COL4A5: variants seen among roughly 807,000 people sequenced by gnomAD.
COL4A5 encodes collagen alpha-5(IV) chain.
COL4A5 carries 26 observed loss-of-function variants against 130.2 expected under a neutral mutation model. That is an observed-to-expected ratio of 0.20 (90% CI 0.15 to 0.28). The LOEUF (loss-of-function observed/expected upper bound fraction) is 0.28. Among genes scored for constraint, COL4A5 ranks in the 10% least tolerant of loss-of-function variants. The probability of loss-of-function intolerance (pLI) is 1.00; values close to 1 mark genes in which losing one functional copy is unlikely to be tolerated. For missense variants in COL4A5, 1,131 were observed against 1,344.3 expected (o/e 0.84, Z 2.48); for synonymous variants, 496 against 439.6 (o/e 1.13, Z -1.60).
At chrX:108,537,424 A>T (rs1451041505) in intron 1 of COL4A5, among the ~76,000 whole-genome samples, 2 of 112,200 alleles carry the variant, frequency 1.8e-5, no homozygotes, top group African/African-American at 3.2e-5. Flanking sequence ...ATTGCAAAAA[A>T]TTATACAAAA....
At chrX:108,447,504 T>C (rs2064465884) in intron 1 of COL4A5, among the ~76,000 whole-genome samples, 1 of 112,060 alleles carries the variant, frequency 8.9e-6, no homozygotes, top group Non-Finnish European at 1.9e-5. Context: ...AGTCACAAAC[T>C]GTTATGCATT....
chrX:108,648,904 G>A (rs981675137), intron 36 of COL4A5, among the ~76,000 whole-genome samples: 8 of 110,907 alleles, frequency 7.2e-5, no homozygotes, highest in Non-Finnish European at 1.3e-4. Flanking sequence ...AATCAGACAA[G>A]AGAAAGAAAA....
intron 1 of COL4A5, among the ~76,000 whole-genome samples, chrX:108,487,390 C>CAA (rs139062835): frequency 7.5e-5 from 4 of 53,433 alleles, no homozygotes; most frequent in East Asian, 6.1e-4. Context: ...AACTCTGTCT[C>CAA]AAAAAAAAAA....
At chrX:108,645,942 G>T (rs1426921430) in intron 36 of COL4A5, among the ~76,000 whole-genome samples, 1 of 110,828 alleles carries the variant, frequency 9.0e-6, no homozygotes, top group Non-Finnish European at 1.9e-5. Context: ...AGTATTCCAT[G>T]GTGTATATGT....
intron 21 of COL4A5, 88 bp downstream of exon 21, chrX:108,591,732 G>A (rs1249387000): frequency 4.5e-5 from 32 of 713,222 alleles, no homozygotes; most frequent in Non-Finnish European, 6.0e-5. Flanking sequence ...TCACACCTTA[G>A]CCACTGACTC....
intron 2 of COL4A5, among the ~76,000 whole-genome samples, chrX:108,546,666 G>A (rs368752605): frequency 2.7e-5 from 3 of 110,041 alleles, no homozygotes; most frequent in African/African-American, 6.6e-5. Flanking sequence ...GCCTTGCTAG[G>A]TTGGGGAAGT....
At position 108,440,105 on chromosome X, in the gene COL4A5, A is replaced by T. The variant is rs771318984; in HGVS notation, c.-21A>T. 2.2e-5 allele frequency: 26 copies of T among 1,183,521 alleles called. No individual in the cohort carries two copies. In the East Asian group the frequency reaches 7.4e-4, roughly 34 times the overall value. Reference sequence around the variant, plus strand: ...GGGAATTTCGTGCGGGTGCTGAAGGAGCTGCGGGAGCCGGAGAAGAATGAA... The same window carrying T: ...GGGAATTTCGTGCGGGTGCTGAAGGTGCTGCGGGAGCCGGAGAAGAATGAA... On this transcript the variant is annotated 5_prime_UTR_variant, in exon 1 of 53. Coordinates refer to ENST00000328300, the MANE Select transcript of COL4A5 (RefSeq NM_033380.3).
chrX:108,526,660 CTTCTTTCTTTCTCTT>C (rs1287124838), intron 1 of COL4A5, among the ~76,000 whole-genome samples: 449 of 38,620 alleles, frequency 0.012, 6 homozygotes, highest in African/African-American at 0.045. Flanking sequence ...TTCTTTCTTT[CTTCTTTCTTTCTCTT>C]TCTTTCTTTC....
Position 108,603,061 on chromosome X carries a change from G to A in COL4A5, c.2244G>A (p.Lys748=), listed in dbSNP as rs2066664553. The A allele has an allele frequency of 4.4e-6, 5 of 1,127,669 alleles. No homozygotes were observed. Among genetic ancestry groups the A allele is most frequent in the Admixed American group, 2.3e-5 (1 of 42,658 alleles). 92.9% of individuals were successfully genotyped at this position (1,127,669 alleles called of 1,213,427 possible). A position where few individuals can be genotyped will look rare whatever the true frequency, so the allele number is the denominator to read the frequency against. Reference sequence around the variant, plus strand: ...GGCCACCCGGCTTTCCAGGACCAAAGGTCTGGGACATTTTTCTTTATTCCT... The same window carrying A: ...GGCCACCCGGCTTTCCAGGACCAAAAGTCTGGGACATTTTTCTTTATTCCT... ...PPGPPGFPGP[K]GEPGFALPGP... is the part of the protein sequence containing the mutation. Residue 748 remains lysine (K), a splice_region_variant and synonymous_variant, in exon 28 of 53, where the codon AAG becomes AAA. Coordinates refer to ENST00000328300, the MANE Select transcript of COL4A5 (RefSeq NM_033380.3).
chrX:108,449,190 C>T (rs1459643493), intron 1 of COL4A5, among the ~76,000 whole-genome samples: 1 of 111,814 alleles, frequency 8.9e-6, no homozygotes, highest in African/African-American at 3.3e-5. Flanking sequence ...CTGGCCAAAA[C>T]ACATTGCTAC....
chrX:108,484,048 C>A (rs1446930159), intron 1 of COL4A5, among the ~76,000 whole-genome samples: 12 of 111,733 alleles, frequency 1.1e-4, no homozygotes, highest in African/African-American at 3.9e-4. Flanking sequence ...GCAGTTATTT[C>A]TTTCAGTCTT....
At chrX:108,685,229 A>G (rs1027497779) in intron 47 of COL4A5, among the ~76,000 whole-genome samples, 3 of 112,002 alleles carry the variant, frequency 2.7e-5, no homozygotes, top group African/African-American at 9.7e-5. Flanking sequence ...TCCTATGCAG[A>G]TCATTCTTTT....
In COL4A5 at chrX:108,532,427, C is replaced by T. The variant is rs146578891; in HGVS notation, c.82-7319C>T. On this transcript the variant is annotated intron_variant, in intron 1 of 52. Transcript: ENST00000328300. Reference sequence around the variant, plus strand: ...CAAACTAGGCATAGAAGGAATATACCGTAGCATAATAAAGGCCATATACTT... The same window carrying T: ...CAAACTAGGCATAGAAGGAATATACTGTAGCATAATAAAGGCCATATACTT... 5.7e-3 allele frequency among the ~76,000 whole-genome samples: 632 copies of T among 111,164 alleles called. 5 individuals are homozygous for T. Among genetic ancestry groups the T allele is most frequent in the African/African-American group, 0.019 (574 of 30,646 alleles).
At chrX:108,526,663 CTTTCTTTCTCTTTCTTT>C (rs1274263960) in intron 1 of COL4A5, among the ~76,000 whole-genome samples, 1 of 38,990 alleles carries the variant, frequency 2.6e-5, no homozygotes, top group Non-Finnish European at 4.1e-5. Context: ...TTTCTTTCTT[CTTTCTTTCTCTTTCTTT>C]CTTTCTTTCT....
In COL4A5 at chrX:108,586,629, T is replaced by C. The variant is rs1166405194; in HGVS notation, c.1047T>C (p.Pro349=). ...PGPPGLVIPR[P]GTGITIGEKG... ...TGGTAATAAAGGTAATTCCTAGACC[T>C]GGGACTGGTATAACTATAGGAGAAA... The change falls in exon 19 of 53, where the codon CCT becomes CCC. Residue 349 remains proline (P), a synonymous_variant. Transcript: ENST00000328300. 1 of 1,206,931 alleles carries C rather than the reference T, an allele frequency of 8.3e-7. No homozygotes were observed. Among genetic ancestry groups the C allele is most frequent in the Non-Finnish European group, 1.1e-6 (1 of 891,557 alleles).
At chrX:108,673,470 T>C (rs1015704100) in intron 42 of COL4A5, among the ~76,000 whole-genome samples, 3 of 111,128 alleles carry the variant, frequency 2.7e-5, no homozygotes, top group African/African-American at 9.8e-5. Flanking sequence ...GCTCTATTTG[T>C]AGGCTTTTAA....
At chrX:108,685,151 T>C (rs1015585223) in intron 47 of COL4A5, among the ~76,000 whole-genome samples, 1 of 112,250 alleles carries the variant, frequency 8.9e-6, no homozygotes, top group African/African-American at 3.2e-5. Context: ...AATATCATAC[T>C]GAATGGGCAA....
At chrX:108,572,957 C>T (rs1008676322) in intron 8 of COL4A5, among the ~76,000 whole-genome samples, 1 of 111,101 alleles carries the variant, frequency 9.0e-6, no homozygotes, top group African/African-American at 3.3e-5. Flanking sequence ...TGGGATGTGC[C>T]AAACGTTTTG....
At chrX:108,693,571 A>G (rs985396811) in intron 50 of COL4A5, 1 of 114,546 alleles carries the variant, frequency 8.7e-6, no homozygotes, top group Non-Finnish European at 1.8e-5. Context: ...AGGTTAGATT[A>G]TAGTGCCATC....
Sources: gnomAD v4.1 joint callset for allele counts (sites outside exome capture counted in the v4.1 genomes callset) on GRCh38, gnomAD v4.1.1 for gene constraint, MANE v1.5 for transcripts, NCBI Gene and HGNC (gene_info 2026-07-23, HGNC 2026-07-21) for gene names.